The following MPRIP variants were observed in gnomAD, a reference collection of about 807,000 sequenced individuals.
MPRIP encodes myosin phosphatase Rho-interacting protein.
MPRIP carries 59 observed loss-of-function variants against 234.9 expected under a neutral mutation model. The ratio of observed to expected loss-of-function variants is 0.25; its 90% CI spans 0.20 to 0.31. The LOEUF (loss-of-function observed/expected upper bound fraction) is 0.31, where lower values mean the gene tolerates loss of function less well. Ranked by LOEUF, MPRIP falls within the 10% of genes least tolerant of loss-of-function variation. The probability of loss-of-function intolerance (pLI) is 1.00; values close to 1 mark genes in which losing one functional copy is unlikely to be tolerated. For synonymous variants in MPRIP, 1,144 were observed against 1,263.9 expected (o/e 0.91, Z 2.01); for missense variants, 2,436 against 3,071.0 (o/e 0.79, Z 4.89).
chr17:17,067,339 A>G (rs1254518587), intron 1 of MPRIP, among the ~76,000 whole-genome samples: 1 of 152,164 alleles, frequency 6.6e-6, no homozygotes, highest in Non-Finnish European at 1.5e-5. Flanking sequence ...GCCATTATGT[A>G]TAATACTAGC....
At position 17,166,817 on chromosome 17, in the gene MPRIP, G is replaced by A. The variant is rs1383089672; in HGVS notation, c.5226G>A (p.Gln1742=). The A allele has an allele frequency of 1.5e-6, 2 of 1,304,104 alleles. No individual in the cohort carries two copies. Among genetic ancestry groups the A allele is most frequent in the Non-Finnish European group, 2.0e-6 (2 of 988,968 alleles). The allele number at this position is 1,304,104 out of a possible 1,614,324, so 80.8% of individuals were successfully genotyped here. A position where few individuals can be genotyped will look rare whatever the true frequency, so the allele number is the denominator to read the frequency against. Residue 1742 remains glutamine (Q), a synonymous_variant, in exon 16 of 24, where the codon CAG becomes CAA. Coordinates refer to ENST00000651222, the MANE Select transcript of MPRIP (RefSeq NM_001364716.4). This position sits in a 1 kb window ranked among gnomAD's most constrained non-coding sequence, Gnocchi z 4.4. ...CAGCGGGCCATGAAGATGGTGTTCA[G>A]CTGTCCTGGGACCTGAGCCCCTTAG... ...RLPAGHEDGV[Q]LSWDLSPLGE...
At chr17:17,097,618 TC>T (rs1318663626) in intron 3 of MPRIP, among the ~76,000 whole-genome samples, 2 of 152,230 alleles carry the variant, frequency 1.3e-5, no homozygotes, top group African/African-American at 4.8e-5. Flanking sequence ...CTTTCGGACA[TC>T]CAAGTTGTTT....
intron 1 of MPRIP, among the ~76,000 whole-genome samples, chr17:17,055,065 T>A (rs745957500): frequency 2.0e-4 from 30 of 150,860 alleles, no homozygotes; most frequent in Middle Eastern, 3.4e-3. Flanking sequence ...AAAAAAAAAA[T>A]TTCTTTTTTT....
intron 5 of MPRIP, 146 bp from the exon 6 acceptor site, chr17:17,136,073 G>GT: frequency 1.3e-6 from 1 of 783,672 alleles, no homozygotes; most frequent in Non-Finnish European, 2.2e-6. Context: ...TGGTCTCACT[G>GT]TTTTGGGGCA....
At chr17:17,101,352 G>A (rs1446568716) in intron 3 of MPRIP, among the ~76,000 whole-genome samples, 1 of 152,198 alleles carries the variant, frequency 6.6e-6, no homozygotes, top group African/African-American at 2.4e-5. Context: ...GATCACCTGA[G>A]GTCAGGAGTT....
intron 4 of MPRIP, among the ~76,000 whole-genome samples, chr17:17,127,091 G>C (rs925140591): frequency 1.3e-5 from 2 of 152,104 alleles, no homozygotes; most frequent in Non-Finnish European, 2.9e-5. Context: ...TACCCTCCTC[G>C]GGCCTCCCCA....
In MPRIP at chr17:17,166,058, G is replaced by C; in HGVS notation, c.4467G>C (p.Leu1489=). The change falls in exon 16 of 24, where the codon CTG becomes CTC. Residue 1489 remains leucine (L), a synonymous_variant. Transcript: ENST00000651222. The surrounding 1 kb of genome is among the most constrained non-coding windows in gnomAD (Gnocchi z 4.4). ...LENCREQLRS[L]PRASQEDEQD... ...ATTGCCGAGAACAACTGAGATCTCT[G>C]CCTAGGGCCAGCCAGGAGGATGAGC... 7.7e-7 allele frequency: 1 copy of C among 1,302,278 alleles called. No homozygotes were observed. The highest frequency in any genetic ancestry group is 2.1e-4 in the Middle Eastern group (1 of 4,686). The allele number at this position is 1,302,278 out of a possible 1,614,324, so 80.7% of individuals were successfully genotyped here. A position where few individuals can be genotyped will look rare whatever the true frequency, so the allele number is the denominator to read the frequency against.
Position 17,142,698 on chromosome 17 carries a change from T to C in MPRIP, c.1322T>C (p.Val441Ala), listed in dbSNP as rs1378860226. 17 of 1,612,092 alleles carry C rather than the reference T, an allele frequency of 1.1e-5. No individual in the cohort carries two copies. The highest frequency in any genetic ancestry group is 1.4e-5 in the Non-Finnish European group (17 of 1,179,988). The change falls in exon 8 of 24, where the codon GTG (valine) becomes GCG (alanine). Residue 441 changes from valine to alanine, a missense_variant. Val to Ala is a moderately conservative substitution (Grantham distance 64, BLOSUM62 0). Around this residue, in one of 4 missense-constraint regions of MPRIP, gnomAD observed 267 missense variants for 252.7 expected, o/e 1.06. Coordinates refer to ENST00000651222, the MANE Select transcript of MPRIP (RefSeq NM_001364716.4). ...EKAEHMETNA[V>A]GPSPSSDTRQ... ...GCAGAGCACATGGAGACCAATGCAG[T>C]GGGGCCCTCACCATCCAGCGACACA...
intron 1 of MPRIP, among the ~76,000 whole-genome samples, chr17:17,050,255 C>T (rs1425545192): frequency 7.3e-6 from 1 of 137,074 alleles, no homozygotes; most frequent in Non-Finnish European, 1.5e-5. Flanking sequence ...GCGGAGCTTG[C>T]AGTGAGCTGA....
intron 13 of MPRIP, among the ~76,000 whole-genome samples, chr17:17,155,557 T>C (rs1278677553): frequency 6.6e-6 from 1 of 152,258 alleles, no homozygotes; most frequent in Non-Finnish European, 1.5e-5. Context: ...AGGCACATTC[T>C]GTATCCAAAC....
chr17:17,079,651 G>T (rs2089417327), intron 3 of MPRIP, among the ~76,000 whole-genome samples: 1 of 152,212 alleles, frequency 6.6e-6, no homozygotes, highest in South Asian at 2.1e-4. Context: ...TTACATTCAG[G>T]CTGGGCTGGG....
At chr17:17,080,084 C>G (rs1309548426) in intron 3 of MPRIP, among the ~76,000 whole-genome samples, 1 of 152,206 alleles carries the variant, frequency 6.6e-6, no homozygotes, top group African/African-American at 2.4e-5. Context: ...AGTTTTGGGC[C>G]ACGGGCTGCT....
At chr17:17,074,439 G>A (rs779480495) in intron 1 of MPRIP, among the ~76,000 whole-genome samples, 1 of 152,212 alleles carries the variant, frequency 6.6e-6, no homozygotes, top group Non-Finnish European at 1.5e-5. Flanking sequence ...GACCTCACAG[G>A]CCAGACACTG....
chr17:17,112,784 G>C (rs538348627), intron 3 of MPRIP, among the ~76,000 whole-genome samples: 12 of 152,344 alleles, frequency 7.9e-5, no homozygotes, highest in Middle Eastern at 3.4e-3. Flanking sequence ...GTGGCGTTGA[G>C]GGGGAGGGAG....
At chr17:17,157,328 G>A (rs906981335) in intron 13 of MPRIP, among the ~76,000 whole-genome samples, 8 of 152,218 alleles carry the variant, frequency 5.3e-5, no homozygotes, top group Non-Finnish European at 7.3e-5. Context: ...CACGACCTGC[G>A]CAGCTCATGT....
intron 3 of MPRIP, among the ~76,000 whole-genome samples, chr17:17,082,311 T>TTG (rs1480189790): frequency 2.0e-5 from 3 of 148,184 alleles, no homozygotes; most frequent in African/African-American, 7.5e-5. Context: ...TTTTTTTTTT[T>TTG]TGAGACGGAG....
chr17:17,062,131 T>C (rs1025574345), intron 1 of MPRIP, among the ~76,000 whole-genome samples: 1 of 152,114 alleles, frequency 6.6e-6, no homozygotes, highest in Non-Finnish European at 1.5e-5. Flanking sequence ...CCCAGGCCAG[T>C]GTACATTAAA....
intron 1 of MPRIP, among the ~76,000 whole-genome samples, chr17:17,046,649 A>T (rs866217723): frequency 6.6e-6 from 1 of 151,794 alleles, no homozygotes; most frequent in Non-Finnish European, 1.5e-5. Context: ...TTGCTTGCCC[A>T]TTTTTCTGTA....
intron 1 of MPRIP, among the ~76,000 whole-genome samples, chr17:17,053,150 A>T (rs989492465): frequency 5.3e-5 from 8 of 151,698 alleles, no homozygotes; most frequent in African/African-American, 1.9e-4. Context: ...CTGCTTGGGG[A>T]CCTGCTCTGA....
Sources: allele counts gnomAD v4.1 joint callset (sites outside exome capture counted in the v4.1 genomes callset), GRCh38; gene constraint gnomAD v4.1.1; regional missense constraint gnomAD v4.1.1; non-coding constraint Gnocchi (gnomAD v3.1); transcripts MANE v1.5; gene names NCBI Gene and HGNC (gene_info 2026-07-23, HGNC 2026-07-21).